The following ZNF267 variants were observed in gnomAD, a reference collection of about 807,000 sequenced individuals.
ZNF267 encodes zinc finger (C2H2).
In ZNF267, 61 loss-of-function variants were observed where a neutral mutation model predicts 71.6. The ratio of observed to expected loss-of-function variants is 0.85; its 90% CI spans 0.69 to 1.05. The LOEUF is 1.05. ZNF267 is among the 50% of genes least tolerant of loss of function. The pLI is 0.00. For synonymous variants in ZNF267, 288 were observed against 293.2 expected, an observed-to-expected ratio of 0.98 and a Z score of 0.18; for missense variants, 852 against 870.0, an observed-to-expected ratio of 0.98 and a Z score of 0.26.
intron 3 of ZNF267, among the ~76,000 whole-genome samples, chr16:31,905,836 C>T (rs919699577): frequency 8.5e-5 from 13 of 152,292 alleles, no homozygotes; most frequent in African/African-American, 3.1e-4. Context: ...TGAGGAGCTG[C>T]GTTCCTTTGG....
At position 31,915,522 on chromosome 16, in the gene ZNF267, A is replaced by G; in HGVS notation, c.1273A>G (p.Lys425Glu). The part of the protein sequence containing the change: ...KAFRCSSYLT[K>E]HKRIHTGEKP... ...CTTTCGCTGTAGTTCATACCTTACT[A>G]AACATAAGCGAATTCATACTGGAGA... The change falls in exon 4 of 4, where the codon AAA becomes GAA. Residue 425 changes from lysine to glutamate, a missense_variant. Physicochemically the swap from Lys to Glu is moderately conservative, Grantham distance 56 (BLOSUM62 1). Coordinates refer to ENST00000300870, the MANE Select transcript of ZNF267 (RefSeq NM_003414.6). 1 of 1,612,850 alleles carries G rather than the reference A, an allele frequency of 6.2e-7. No homozygotes were observed. Among genetic ancestry groups the G allele is most frequent in the African/African-American group, 1.3e-5 (1 of 74,850 alleles).
At chr16:31,899,455 G>A (rs1051790706) in intron 3 of ZNF267, among the ~76,000 whole-genome samples, 6 of 152,078 alleles carry the variant, frequency 3.9e-5, no homozygotes, top group Non-Finnish European at 8.8e-5. Context: ...CCAAATGAAG[G>A]CAGAAATAAA....
At chr16:31,884,992 A>G (rs2083913939) in intron 2 of ZNF267, among the ~76,000 whole-genome samples, 169 bp from the exon 3 acceptor site, 1 of 152,234 alleles carries the variant, frequency 6.6e-6, no homozygotes, top group African/African-American at 2.4e-5. Context: ...GTAGGAAACA[A>G]TATTTTGAGA....
At chr16:31,907,880 GA>G (rs879893124) in intron 3 of ZNF267, among the ~76,000 whole-genome samples, 68 of 141,500 alleles carry the variant, frequency 4.8e-4, no homozygotes, top group Admixed American at 5.0e-4. Context: ...ACTAAAAATT[GA>G]AAAAAAAAAA....
chr16:31,893,357 G>C (rs2083974526), intron 3 of ZNF267, among the ~76,000 whole-genome samples: 1 of 152,250 alleles, frequency 6.6e-6, no homozygotes, highest in African/African-American at 2.4e-5. Flanking sequence ...CCTGTGATGG[G>C]AGGGGCTGCC....
At chr16:31,900,219 T>A (rs2084028957) in intron 3 of ZNF267, among the ~76,000 whole-genome samples, 1 of 152,086 alleles carries the variant, frequency 6.6e-6, no homozygotes, top group Non-Finnish European at 1.5e-5. Flanking sequence ...TTTTCAAATG[T>A]ATAGCAGAAT....
Position 31,885,209 on chromosome 16 carries a change from AAG to A in ZNF267, c.182_183del (p.Glu61AlafsTer7). 6.2e-7 allele frequency: 1 copy of A among 1,610,704 alleles called. No homozygotes were observed. The highest frequency in any genetic ancestry group is 8.5e-7 in the Non-Finnish European group (1 of 1,178,694). On this transcript the variant is annotated frameshift_variant, in exon 3 of 4. Transcript: ENST00000300870. LOFTEE classifies it high-confidence loss of function. ...CTGATCACCTTTTTGGAACAAAGGA[AAG>A]AGCCTTGGAATGTGAAGAGTGAGGA...
intron 3 of ZNF267, among the ~76,000 whole-genome samples, chr16:31,889,387 T>C (rs541641294): frequency 1.8e-4 from 27 of 152,326 alleles, no homozygotes; most frequent in Non-Finnish European, 2.6e-4. Context: ...GTTTTCCTTA[T>C]TGTAGAACTT....
At chr16:31,877,456 G>A (rs1207916337) in intron 1 of ZNF267, among the ~76,000 whole-genome samples, 1 of 152,140 alleles carries the variant, frequency 6.6e-6, no homozygotes, top group African/African-American at 2.4e-5. Context: ...GCAGGATTAA[G>A]GTGCCAAAAT....
In ZNF267 at chr16:31,885,216, T is replaced by C; in HGVS notation, c.186T>C (p.Pro62=). Residue 62 remains proline, a synonymous_variant, in exon 3 of 4, where the codon CCT becomes CCC. Coordinates refer to ENST00000300870, the MANE Select transcript of ZNF267 (RefSeq NM_003414.6). ...LITFLEQRKE[P]WNVKSEETVA... ...CCTTTTTGGAACAAAGGAAAGAGCC[T>C]TGGAATGTGAAGAGTGAGGAGACAG... 1 of 1,609,984 alleles carries C rather than the reference T, an allele frequency of 6.2e-7. No homozygotes were observed. The highest frequency in any genetic ancestry group is 2.2e-5 in the East Asian group (1 of 44,840).
chr16:31,914,631 T>A lies in ZNF267; in HGVS notation c.382T>A (p.Cys128Ser). 6.2e-7 allele frequency: 1 copy of A among 1,614,070 alleles called. No individual in the cohort carries two copies. The highest frequency in any genetic ancestry group is 8.5e-7 in the Non-Finnish European group (1 of 1,179,990). The part of the protein sequence containing the change: ...KREECEGHNG[C>S]YDEKTFKYDQ... ...GGAGGAGTGTGAAGGGCACAATGGATGTTATGATGAAAAGACTTTTAAATA... is the reference window on the plus strand; with the variant it reads ...GGAGGAGTGTGAAGGGCACAATGGAAGTTATGATGAAAAGACTTTTAAATA... Residue 128 changes from cysteine to serine, a missense_variant, in exon 4 of 4, where the codon TGT (cysteine) becomes AGT (serine). By Grantham distance (112) the Cys-to-Ser change is moderately radical (BLOSUM62 -1). Coordinates refer to ENST00000300870, the MANE Select transcript of ZNF267 (RefSeq NM_003414.6).
chr16:31,902,240 T>C (rs1201209384), intron 3 of ZNF267, among the ~76,000 whole-genome samples: 1 of 152,166 alleles, frequency 6.6e-6, no homozygotes, highest in Non-Finnish European at 1.5e-5. Context: ...TGCCTCCAGC[T>C]TTGTTCTTTT....
At chr16:31,889,072 A>C (rs755546091) in intron 3 of ZNF267, among the ~76,000 whole-genome samples, 1 of 150,352 alleles carries the variant, frequency 6.7e-6, no homozygotes, top group Admixed American at 6.6e-5. Context: ...TTTTTTTGTT[A>C]TGTAATTGTT....
intron 2 of ZNF267, among the ~76,000 whole-genome samples, 195 bp downstream of exon 2, chr16:31,884,819 T>C (rs2083912959): frequency 6.6e-6 from 1 of 152,232 alleles, no homozygotes; most frequent in African/African-American, 2.4e-5. Context: ...TGAGGTGATG[T>C]ACAAGTTTCA....
intron 3 of ZNF267, among the ~76,000 whole-genome samples, chr16:31,897,925 CAT>C (rs1310332131): frequency 6.6e-6 from 1 of 152,128 alleles, no homozygotes; most frequent in African/African-American, 2.4e-5. Flanking sequence ...TGATTAAAGA[CAT>C]TGTGTATTTT....
Position 31,915,476 on chromosome 16 carries a change from A to G in ZNF267, c.1227A>G (p.Lys409=). 1.2e-6 allele frequency: 2 copies of G among 1,613,834 alleles called. No homozygotes were observed. The highest frequency in any genetic ancestry group is 1.7e-6 in the Non-Finnish European group (2 of 1,179,902). The change falls in exon 4 of 4, where the codon AAA becomes AAG. Residue 409 remains lysine, a synonymous_variant. Coordinates refer to ENST00000300870, the MANE Select transcript of ZNF267 (RefSeq NM_003414.6). ...QRIHTGEKPY[K]CKECGKAFRC... ...TTCACACTGGAGAGAAACCATACAA[A>G]TGTAAAGAATGTGGCAAAGCCTTTC...
chr16:31,894,877 C>G (rs974105328), intron 3 of ZNF267: 19 of 401,830 alleles, frequency 4.7e-5, no homozygotes, highest in African/African-American at 3.2e-4. Flanking sequence ...TGCAAGGAAT[C>G]TCTTTCATGA....
Position 31,873,917 on chromosome 16 carries a change from G to A in ZNF267, c.-50G>A, listed in dbSNP as rs780192983. 2 of 1,613,394 alleles carry A rather than the reference G, an allele frequency of 1.2e-6. No individual in the cohort carries two copies. The highest frequency in any genetic ancestry group is 1.7e-6 in the Non-Finnish European group (2 of 1,179,466). Reference sequence around the variant, plus strand: ...ACCTCTGTTGCTCTGCGACTTGCAGGCACTGGGAGATTCGTAGCTAAGACG... The same window carrying A: ...ACCTCTGTTGCTCTGCGACTTGCAGACACTGGGAGATTCGTAGCTAAGACG... On this transcript the variant is annotated 5_prime_UTR_variant, in exon 1 of 4. Transcript: ENST00000300870.
intron 1 of ZNF267, among the ~76,000 whole-genome samples, chr16:31,876,104 A>G (rs1418937474): frequency 6.6e-6 from 1 of 152,236 alleles, no homozygotes; most frequent in South Asian, 2.1e-4. Context: ...CGTGTGGTAA[A>G]TTGGTGAATT....
Sources: allele counts gnomAD v4.1 joint callset (sites outside exome capture counted in the v4.1 genomes callset), GRCh38; gene constraint gnomAD v4.1.1; transcripts MANE v1.5; gene names NCBI Gene and HGNC (gene_info 2026-07-23, HGNC 2026-07-21).